GRAP2: variants seen among roughly 807,000 people sequenced by gnomAD.
The protein encoded by GRAP2 is GRB2-related adapter protein 2.
In GRAP2, 31 loss-of-function variants were observed where a neutral mutation model predicts 43.5. That is an observed-to-expected ratio of 0.71 (90% CI 0.54 to 0.96). The LOEUF is 0.96. GRAP2 is among the 40% of genes least tolerant of loss of function. GRAP2 has a pLI of 0.00. For synonymous variants in GRAP2, 156 were observed against 164.8 expected (o/e 0.95, Z 0.41); for missense variants, 371 against 424.4 (o/e 0.87, Z 1.11).
chr22:39,954,806 T>C (rs536577276), intron 2 of GRAP2, among the ~76,000 whole-genome samples: 1 of 152,218 alleles, frequency 6.6e-6, no homozygotes, highest in Admixed American at 6.5e-5. Context: ...GTGAGTAATA[T>C]GAGTAACTGA....
At chr22:39,958,604 C>T (rs2067083329) in intron 3 of GRAP2, among the ~76,000 whole-genome samples, 1 of 152,188 alleles carries the variant, frequency 6.6e-6, no homozygotes, top group African/African-American at 2.4e-5. Context: ...CATGACCACT[C>T]ATGTCTAATA....
At chr22:39,966,462 G>A (rs572956457) in intron 5 of GRAP2, among the ~76,000 whole-genome samples, 12 of 152,258 alleles carry the variant, frequency 7.9e-5, no homozygotes, top group East Asian at 5.8e-4. Context: ...ATCACACTGC[G>A]CTCAGCAAGC....
intron 1 of GRAP2, among the ~76,000 whole-genome samples, chr22:39,914,377 G>C (rs2066588364): frequency 6.6e-6 from 1 of 152,138 alleles, no homozygotes; most frequent in African/African-American, 2.4e-5. Context: ...AAGAACAATA[G>C]AGTACACCAT....
intron 2 of GRAP2, chr22:39,948,101 G>GACAC (rs2066943063): frequency 6.6e-6 from 1 of 152,134 alleles, no homozygotes; most frequent in Non-Finnish European, 1.5e-5. Context: ...CGAGAATTAG[G>GACAC]TTTGTTATAC....
chr22:39,913,192 C>CAAA (rs397868164), intron 1 of GRAP2, among the ~76,000 whole-genome samples: 6 of 62,344 alleles, frequency 9.6e-5, no homozygotes, highest in Non-Finnish European at 1.2e-4. Context: ...GACTCCATCT[C>CAAA]AAAAAAAAAA....
chr22:39,894,798 T>C, the GRAP2 span, among the ~76,000 whole-genome samples: 4 of 152,190 alleles, frequency 2.6e-5, no homozygotes, highest in Admixed American at 2.0e-4. Flanking sequence ...CTAGTGGAGG[T>C]GACAGGCACC....
intron 1 of GRAP2, among the ~76,000 whole-genome samples, chr22:39,935,752 C>T (rs537130470): frequency 8.3e-4 from 127 of 152,162 alleles, no homozygotes; most frequent in Middle Eastern, 6.8e-3. Context: ...GGCTTGGGAG[C>T]GTAAGTAAAA....
intron 1 of GRAP2, among the ~76,000 whole-genome samples, chr22:39,930,496 A>G (rs889313993): frequency 6.6e-6 from 1 of 152,192 alleles, no homozygotes; most frequent in Non-Finnish European, 1.5e-5. Flanking sequence ...TACTATGGAG[A>G]TAAAAACATG....
rs187056634 is a variant in GRAP2, at chr22:39,902,375, A to T, written c.-15+1045A>T. On this transcript the variant is annotated intron_variant, in intron 1 of 7. Transcript: ENST00000344138. ...CTCTCCTTTAACAATCCAGTATTTT[A>T]TGTAAAACTTTATAGAATAATTTTA... Among the ~76,000 whole-genome samples the T allele has an allele frequency of 8.4e-4, 128 of 152,340 alleles. 5 individuals carry two copies. The East Asian group carries it at 0.021, about 25-fold the overall frequency.
intron 1 of GRAP2, among the ~76,000 whole-genome samples, chr22:39,906,081 TG>T (rs1415609489): frequency 6.6e-6 from 1 of 151,822 alleles, no homozygotes; most frequent in East Asian, 1.9e-4. Flanking sequence ...TATGAAGTAA[TG>T]GGGGGAAAAA....
chr22:39,907,950 C>G (rs1011220323), intron 1 of GRAP2, among the ~76,000 whole-genome samples: 4 of 152,202 alleles, frequency 2.6e-5, no homozygotes, highest in African/African-American at 7.2e-5. Flanking sequence ...TGGGCCCCTT[C>G]CACAACACTG....
At chr22:39,920,764 G>T (rs555063922) in intron 1 of GRAP2, among the ~76,000 whole-genome samples, 74 of 152,060 alleles carry the variant, frequency 4.9e-4, no homozygotes, top group Non-Finnish European at 7.4e-4. Flanking sequence ...TCTAAATATG[G>T]CTCGATTCAT....
rs186523005 is a variant in GRAP2, at chr22:39,931,084, A to G, written c.-14-16009A>G. ...AGACTGAACTGTCTGAGGTCTTAAG[A>G]TGGGCTGTCTAGTCCACACTGGATC... On this transcript the variant is annotated intron_variant, in intron 1 of 7. Coordinates refer to ENST00000344138, the MANE Select transcript of GRAP2 (RefSeq NM_004810.4). Among the ~76,000 whole-genome samples the G allele has an allele frequency of 1.4e-3, 212 of 152,292 alleles. 1 individual carries two copies. Among genetic ancestry groups the G allele is most frequent in the African/African-American group, 4.9e-3 (204 of 41,564 alleles).
rs1460757591 is a variant in GRAP2 at position 39,973,315 on chromosome 22, T to TA, written c.*2233dup. On this transcript the variant is annotated 3_prime_UTR_variant, in exon 8 of 8. Transcript: ENST00000344138. ...CTTGAAAGGCTTCTCAGGAAAGCAG[T>TA]AATAAAACAAAGTGTCCTTGTTTGG... The TA allele has an allele frequency of 3.9e-5, 6 of 152,256 alleles. No homozygotes were observed. In the East Asian group the frequency reaches 9.7e-4, roughly 25 times the overall value. The allele number at this position is 152,256 out of a possible 1,614,324, so 9.4% of individuals were successfully genotyped here.
intron 3 of GRAP2, among the ~76,000 whole-genome samples, chr22:39,958,082 C>G (rs1390202633): frequency 6.6e-6 from 1 of 152,152 alleles, no homozygotes; most frequent in East Asian, 1.9e-4. Flanking sequence ...CACCAGGCTC[C>G]CCATGGGCTG....
intron 1 of GRAP2, among the ~76,000 whole-genome samples, chr22:39,908,136 A>G (rs1324595636): frequency 6.6e-6 from 1 of 152,126 alleles, no homozygotes; most frequent in East Asian, 1.9e-4. Context: ...AAGCCCTTTG[A>G]TTTTCTGCAG....
At chr22:39,943,436 G>A (rs756819970) in intron 1 of GRAP2, among the ~76,000 whole-genome samples, 2 of 152,168 alleles carry the variant, frequency 1.3e-5, no homozygotes, top group Non-Finnish European at 2.9e-5. Context: ...GCTGCTAATG[G>A]CTATTGCGTG....
intron 4 of GRAP2, among the ~76,000 whole-genome samples, chr22:39,963,023 C>T (rs1212166117): frequency 6.6e-6 from 1 of 152,106 alleles, no homozygotes; most frequent in Non-Finnish European, 1.5e-5. Flanking sequence ...AAACAGTAGG[C>T]CTTGACTTCT....
chr22:39,938,640 G>A (rs1289557752), intron 1 of GRAP2, among the ~76,000 whole-genome samples: 1 of 152,252 alleles, frequency 6.6e-6, no homozygotes, highest in Non-Finnish European at 1.5e-5. Flanking sequence ...GCCCTTCCCA[G>A]ATGGGGAAGA....
Sources: allele counts gnomAD v4.1 joint callset (sites outside exome capture counted in the v4.1 genomes callset), GRCh38; gene constraint gnomAD v4.1.1; transcripts MANE v1.5; gene names NCBI Gene and HGNC (gene_info 2026-07-23, HGNC 2026-07-21).